ESR1: variants seen among roughly 807,000 people sequenced by gnomAD.
ESR1 encodes the protein estrogen receptor 1, also known as estrogen receptor.
ESR1 carries 12 observed loss-of-function variants against 52.7 expected under a neutral mutation model. The observed-to-expected ratio is 0.23, with a 90% confidence interval of 0.15 to 0.37. The LOEUF (loss-of-function observed/expected upper bound fraction) is 0.37. Ranked by LOEUF, ESR1 falls within the 10% of genes least tolerant of loss-of-function variation. ESR1 has a pLI of 1.00. For synonymous variants in ESR1, 305 were observed against 316.8 expected, an observed-to-expected ratio of 0.96 and a Z score of 0.39; for missense variants, 584 against 779.7, an observed-to-expected ratio of 0.75 and a Z score of 2.99.
At position 152,094,330 on chromosome 6, in the gene ESR1, C is replaced by G. The variant is rs906985707; in HGVS notation, c.1370-55C>G. On this transcript the variant is annotated intron_variant, in intron 6 of 7. Coordinates refer to ENST00000206249, the MANE Select transcript of ESR1 (RefSeq NM_000125.4). This position sits in a 1 kb window ranked among gnomAD's most constrained non-coding sequence, Gnocchi z 4.6. ...TACATCCCATGAACACTCTGGGTCT[C>G]CTAGACCTCATCCTCTTTGAGCTTC... 1.1e-5 allele frequency: 16 copies of G among 1,520,178 alleles called. No individual in the cohort carries two copies. Among genetic ancestry groups the G allele is most frequent in the Non-Finnish European group, 1.4e-5 (15 of 1,094,984 alleles). The allele number at this position is 1,520,178 out of a possible 1,614,324, so 94.2% of individuals were successfully genotyped here. A position where few individuals can be genotyped will look rare whatever the true frequency, so the allele number is the denominator to read the frequency against.
At chr6:151,674,236 GTGT>G (rs1010087826) in intron 1 of ESR1, among the ~76,000 whole-genome samples, 2 of 152,112 alleles carry the variant, frequency 1.3e-5, no homozygotes, top group Non-Finnish European at 2.9e-5. Flanking sequence ...CTGTGTCCAT[GTGT>G]TCTCATTGTT....
downstream of ESR1, among the ~76,000 whole-genome samples, chr6:152,104,933 TG>T (rs11292174): frequency 2.6e-3 from 393 of 152,228 alleles, 2 homozygotes; most frequent in African/African-American, 9.1e-3. Flanking sequence ...AGATCATCAG[TG>T]GCCACTGATG....
chr6:152,020,088 T>G (rs557643519), intron 5 of ESR1, among the ~76,000 whole-genome samples: 3 of 152,316 alleles, frequency 2.0e-5, no homozygotes, highest in Non-Finnish European at 4.4e-5. Flanking sequence ...ATCATTCGCA[T>G]CTAGTGTATC....
intron 1 of ESR1, among the ~76,000 whole-genome samples, chr6:151,659,665 A>G (rs1777572835): frequency 1.3e-5 from 2 of 152,200 alleles, no homozygotes; most frequent in Non-Finnish European, 2.9e-5. Context: ...GTAATTCAGC[A>G]GGCAATGTCT....
At chr6:151,913,458 T>C (rs6557171) in intron 3 of ESR1, among the ~76,000 whole-genome samples, 93,088 of 152,118 alleles carry the variant, frequency 0.61, 29,097 homozygotes, top group Middle Eastern at 0.77. Flanking sequence ...TTAACAAGTT[T>C]GTCCTGTTAA....
intron 2 of ESR1, among the ~76,000 whole-genome samples, chr6:151,717,231 T>G (rs2128010076): frequency 6.6e-6 from 1 of 152,300 alleles, no homozygotes; most frequent in Non-Finnish European, 1.5e-5. Flanking sequence ...GTACCTCAGT[T>G]GGAAATGCAG....
intron 2 of ESR1, among the ~76,000 whole-genome samples, chr6:151,863,999 G>C (rs1459661426): frequency 1.3e-5 from 2 of 152,122 alleles, no homozygotes; most frequent in Admixed American, 1.3e-4. Context: ...ACATAGGCAT[G>C]GGCAAGGACT....
Position 152,002,211 on chromosome 6 carries a change from T to C in ESR1, c.1097-9445T>C, listed in dbSNP as rs1018931341. ...GTGTGTGTGTGTGTGTGTGTGTGTG[T>C]GTGTGTGTGTGGAATATCTCACTAA... On this transcript the variant is annotated intron_variant, in intron 4 of 7. Coordinates refer to ENST00000206249, the MANE Select transcript of ESR1 (RefSeq NM_000125.4). 8.2e-4 allele frequency among the ~76,000 whole-genome samples: 125 copies of C among 151,648 alleles called. 6 individuals carry two copies. Among genetic ancestry groups the C allele is most frequent in the Admixed American group, 8.2e-3 (124 of 15,160 alleles).
chr6:151,839,665 A>G (rs1783960486), intron 1 of ESR1, among the ~76,000 whole-genome samples: 1 of 152,218 alleles, frequency 6.6e-6, no homozygotes, highest in Non-Finnish European at 1.5e-5. Context: ...TAGTCACATC[A>G]TGGACCTTCA....
intron 1 of ESR1, among the ~76,000 whole-genome samples, chr6:151,810,186 G>A (rs6920483): frequency 0.069 from 10,556 of 152,084 alleles, 836 homozygotes; most frequent in African/African-American, 0.17. Flanking sequence ...CCAGTGATAA[G>A]TGGTATCAGT....
At chr6:152,110,841 A>G (rs2051123930) in intron 6 of ESR1, among the ~76,000 whole-genome samples, 2 of 152,164 alleles carry the variant, frequency 1.3e-5, no homozygotes, top group South Asian at 2.1e-4. Flanking sequence ...TCCTGGAGAA[A>G]TGTGTCCCGG....
intron 2 of ESR1, among the ~76,000 whole-genome samples, chr6:151,786,410 C>A (rs190076485): frequency 9.2e-5 from 14 of 152,176 alleles, no homozygotes; most frequent in African/African-American, 1.4e-4. Flanking sequence ...GAGCTGGAGA[C>A]CTGGCACGGC....
At chr6:151,700,025 C>T (rs1212232606) in intron 1 of ESR1, among the ~76,000 whole-genome samples, 2 of 150,896 alleles carry the variant, frequency 1.3e-5, no homozygotes, top group Non-Finnish European at 2.9e-5. Flanking sequence ...TACTGAATAA[C>T]AGCCAATTCC....
chr6:151,753,182 C>G (rs1307783911), intron 2 of ESR1, among the ~76,000 whole-genome samples: 1 of 152,076 alleles, frequency 6.6e-6, no homozygotes, highest in Non-Finnish European at 1.5e-5. Flanking sequence ...GGTATCCTGC[C>G]AAAAAGATCC....
rs975871200 is a variant in ESR1, at chr6:151,939,590, C to CT, written c.761-4573dup. On this transcript the variant is annotated intron_variant, in intron 3 of 7. Coordinates refer to ENST00000206249, the MANE Select transcript of ESR1 (RefSeq NM_000125.4). ...GTAAAATTGAAATAGAAGTCGCATCCTTTTTTTTTTACCTTCTTCCACTCA... is the reference window on the plus strand; with the variant it reads ...GTAAAATTGAAATAGAAGTCGCATCCTTTTTTTTTTTACCTTCTTCCACTCA... Among the ~76,000 whole-genome samples, 1,469 of 147,958 alleles carry CT rather than the reference C, an allele frequency of 9.9e-3. 20 individuals carry two copies. Among genetic ancestry groups the CT allele is most frequent in the African/African-American group, 0.033 (1,322 of 40,430 alleles).
chr6:151,783,186 G>A (rs1051715178), intron 2 of ESR1, among the ~76,000 whole-genome samples: 1 of 152,238 alleles, frequency 6.6e-6, no homozygotes, highest in African/African-American at 2.4e-5. Flanking sequence ...GCCCCAGTCA[G>A]CTCCCCAAAC....
intron 2 of ESR1, among the ~76,000 whole-genome samples, chr6:151,767,344 C>T (rs1010123559): frequency 6.6e-6 from 1 of 152,168 alleles, no homozygotes; most frequent in Non-Finnish European, 1.5e-5. Flanking sequence ...AATTCTATTG[C>T]AGATATTCCC....
chr6:151,813,897 G>T (rs1779215391), intron 1 of ESR1, among the ~76,000 whole-genome samples: 1 of 152,160 alleles, frequency 6.6e-6, no homozygotes, highest in Non-Finnish European at 1.5e-5. Flanking sequence ...GCTCAGGTGG[G>T]TTCTTTTTGA....
At chr6:151,789,436 C>T (rs554401737) in intron 2 of ESR1, among the ~76,000 whole-genome samples, 1 of 152,288 alleles carries the variant, frequency 6.6e-6, no homozygotes, top group African/African-American at 2.4e-5. Flanking sequence ...ACTTTCCTGG[C>T]TGACCCTAGT....
Sources: allele counts gnomAD v4.1 joint callset (sites outside exome capture counted in the v4.1 genomes callset), GRCh38; gene constraint gnomAD v4.1.1; non-coding constraint Gnocchi (gnomAD v3.1); transcripts MANE v1.5; gene names NCBI Gene and HGNC (gene_info 2026-07-23, HGNC 2026-07-21).